Variants in VPS50 observed in about 807,000 individuals in gnomAD.
The protein encoded by VPS50 is syndetin.
VPS50 carries 70 observed loss-of-function variants against 139.7 expected under a neutral mutation model. That is an observed-to-expected ratio of 0.50 (90% CI 0.41 to 0.61). The LOEUF is 0.61. VPS50 is among the 20% of genes least tolerant of loss of function. The pLI, the probability that VPS50 is intolerant of heterozygous loss-of-function variation, is 0.00. For missense variants in VPS50, 921 were observed against 1,133.7 expected, an observed-to-expected ratio of 0.81 and a Z score of 2.69; for synonymous variants, 365 against 376.7, an observed-to-expected ratio of 0.97 and a Z score of 0.36.
chr7:93,292,116 T>C (rs992287633), intron 13 of VPS50, among the ~76,000 whole-genome samples: 5 of 152,082 alleles, frequency 3.3e-5, no homozygotes, highest in African/African-American at 1.2e-4. Flanking sequence ...TTGTTGTTGT[T>C]AATATTATTA....
intron 12 of VPS50, among the ~76,000 whole-genome samples, chr7:93,280,654 T>G (rs952087949): frequency 1.3e-5 from 2 of 152,140 alleles, no homozygotes; most frequent in African/African-American, 4.8e-5. Flanking sequence ...TTTTTTTTCC[T>G]TTTTAAAAAT....
chr7:93,282,965 G>C (rs1181125677), intron 12 of VPS50, among the ~76,000 whole-genome samples: 4 of 152,134 alleles, frequency 2.6e-5, no homozygotes, highest in African/African-American at 9.7e-5. Flanking sequence ...AGTAGGTTTT[G>C]ATAATTTTTA....
intron 21 of VPS50, among the ~76,000 whole-genome samples, chr7:93,331,542 G>GA (rs931473291): frequency 6.8e-6 from 1 of 148,064 alleles, no homozygotes; most frequent in Non-Finnish European, 1.5e-5. Context: ...AGTATGAAAA[G>GA]AAAAAAAAAG....
chr7:93,334,324 T>C lies in VPS50; in HGVS notation c.2058+127T>C, dbSNP rs986828471. ...GAGTCCTCAGAATTAAATGAGTGCA[T>C]ATAGGAAGTAAAACAGAGGTTGCTT... On this transcript the variant is annotated intron_variant, in intron 22 of 27. Transcript: ENST00000305866. 8.1e-6 allele frequency: 5 copies of C among 616,364 alleles called. No individual in the cohort carries two copies. The East Asian group carries it at 8.3e-5, about 10-fold the overall frequency. The allele number at this position is 616,364 out of a possible 1,614,324, so 38.2% of individuals were successfully genotyped here.
Position 93,348,794 on chromosome 7 carries a change from A to T in VPS50, c.2291A>T (p.Gln764Leu). Residue 764 changes from glutamine to leucine, a missense_variant, in exon 24 of 28, where the codon CAG (glutamine) becomes CTG (leucine). Gln to Leu is a moderately radical substitution (Grantham distance 113). Transcript: ENST00000305866. ...GCAGTCAAAAAGCCCTTTCTTCAGC[A>T]GTTCTATTCTCAGGTCAGACATGGT... The part of the protein sequence containing the change: ...MPAVKKPFLQ[Q>L]FYSQTVSTAS... The T allele has an allele frequency of 6.2e-7, 1 of 1,609,046 alleles. No homozygotes were observed. Among genetic ancestry groups the T allele is most frequent in the Non-Finnish European group, 8.5e-7 (1 of 1,175,502 alleles).
chr7:93,357,285 T>C (rs1203687426), intron 27 of VPS50, among the ~76,000 whole-genome samples: 2 of 152,164 alleles, frequency 1.3e-5, no homozygotes, highest in African/African-American at 2.4e-5. Flanking sequence ...TTTCCTCTTT[T>C]AATATAGTAG....
chr7:93,257,237 TA>T (rs1209789565), intron 5 of VPS50, among the ~76,000 whole-genome samples, 156 bp from the exon 6 acceptor site: 1 of 152,056 alleles, frequency 6.6e-6, no homozygotes, highest in African/African-American at 2.4e-5. Context: ...TTGTGAAAAA[TA>T]TACTAATAGT....
chr7:93,348,884 T>C, intron 24 of VPS50, 77 bp downstream of exon 24: 1 of 994,990 alleles, frequency 1.0e-6, no homozygotes, highest in Non-Finnish European at 1.5e-6. Context: ...TTTTTGTTGT[T>C]TTTTTTAACT....
chr7:93,267,038 C>T (rs959387140), intron 9 of VPS50, among the ~76,000 whole-genome samples: 1 of 152,126 alleles, frequency 6.6e-6, no homozygotes, highest in Non-Finnish European at 1.5e-5. Context: ...TTAATAACAG[C>T]CATAAAAACA....
intron 9 of VPS50, among the ~76,000 whole-genome samples, chr7:93,267,286 A>G (rs1479621569): frequency 2.0e-5 from 3 of 152,182 alleles, no homozygotes; most frequent in Non-Finnish European, 4.4e-5. Context: ...TTTGAACTCC[A>G]TATGATAGAG....
chr7:93,308,591 G>A (rs1797181216), intron 18 of VPS50, among the ~76,000 whole-genome samples: 1 of 151,836 alleles, frequency 6.6e-6, no homozygotes, highest in Non-Finnish European at 1.5e-5. Context: ...ATTTGATTTT[G>A]TTGCACATTT....
At chr7:93,276,380 A>G (rs1796155243) in intron 12 of VPS50, 75 bp downstream of exon 12, 1 of 1,431,796 alleles carries the variant, frequency 7.0e-7, no homozygotes, top group Admixed American at 2.4e-5. Flanking sequence ...ATCTTGGTAC[A>G]TACCTATTTG....
chr7:93,326,950 T>C (rs903311298), intron 21 of VPS50, among the ~76,000 whole-genome samples: 26 of 152,194 alleles, frequency 1.7e-4, no homozygotes, highest in African/African-American at 5.8e-4. Flanking sequence ...AATGCTAATA[T>C]GACCAGTGAC....
intron 20 of VPS50, among the ~76,000 whole-genome samples, chr7:93,313,022 A>G (rs1035517548): frequency 6.6e-6 from 1 of 152,206 alleles, no homozygotes; most frequent in Non-Finnish European, 1.5e-5. Context: ...TTCACTCGTG[A>G]TACGCATTGT....
Position 93,276,324 on chromosome 7 carries a change from A to G in VPS50, c.942+19A>G. On this transcript the variant is annotated intron_variant, in intron 12 of 27. Coordinates refer to ENST00000305866, the MANE Select transcript of VPS50 (RefSeq NM_017667.4). ...CTGTACAGTATGTAGTGACTTAATT[A>G]CTATTCATATATCTCTCCTTTAGAT... The G allele has an allele frequency of 6.3e-7, 1 of 1,597,832 alleles. No homozygotes were observed.
At chr7:93,283,356 C>A (rs1796386025) in intron 12 of VPS50, among the ~76,000 whole-genome samples, 1 of 151,940 alleles carries the variant, frequency 6.6e-6, no homozygotes, top group South Asian at 2.1e-4. Context: ...CCTGCCTCAG[C>A]TTCCCAAGTA....
intron 20 of VPS50, among the ~76,000 whole-genome samples, chr7:93,315,334 T>C (rs78240665): frequency 1.8e-3 from 271 of 152,340 alleles, no homozygotes; most frequent in African/African-American, 6.2e-3. Context: ...AGTCATTTCA[T>C]ACTACAAACT....
intron 2 of VPS50, among the ~76,000 whole-genome samples, chr7:93,240,686 C>T (rs766679080): frequency 3.3e-5 from 5 of 152,012 alleles, no homozygotes; most frequent in African/African-American, 4.8e-5. Context: ...GAGAGTGATA[C>T]GTGAAAATAC....
intron 9 of VPS50, among the ~76,000 whole-genome samples, chr7:93,267,353 G>C (rs1437418958): frequency 1.3e-5 from 2 of 152,134 alleles, no homozygotes; most frequent in Non-Finnish European, 2.9e-5. Context: ...CTGCAGACCA[G>C]AGTTCAGTGT....
Sources: gnomAD v4.1 joint callset for allele counts (sites outside exome capture counted in the v4.1 genomes callset) on GRCh38, gnomAD v4.1.1 for gene constraint, MANE v1.5 for transcripts, NCBI Gene and HGNC (gene_info 2026-07-23, HGNC 2026-07-21) for gene names.